Variants in CENPK observed in about 807,000 individuals in gnomAD.
CENPK encodes the protein SoxLZ/Sox6-binding protein Solt.
In CENPK, 46 loss-of-function variants were observed where a neutral mutation model predicts 40.9. That is an observed-to-expected ratio of 1.13 (90% CI 0.89 to 1.44). The LOEUF (loss-of-function observed/expected upper bound fraction) is 1.44. CENPK is among the 40% of genes most tolerant of loss of function. The pLI is 0.00. For synonymous variants in CENPK, 107 were observed against 104.4 expected (o/e 1.02, Z -0.15); for missense variants, 288 against 303.5 (o/e 0.95, Z 0.38).
At chr5:65,499,494 A>G in the CENPK span, among the ~76,000 whole-genome samples, 1 of 150,490 alleles carries the variant, frequency 6.6e-6, no homozygotes, top group Non-Finnish European at 1.5e-5. Context: ...CTTGGTGTAG[A>G]CTTCTTTAGG....
At chr5:65,501,739 G>C in the CENPK span, among the ~76,000 whole-genome samples, 1 of 152,132 alleles carries the variant, frequency 6.6e-6, no homozygotes, top group Admixed American at 6.6e-5. Flanking sequence ...GGAAACAGAA[G>C]TGCTTTGTGA....
At position 65,528,900 on chromosome 5, in the gene CENPK, T is replaced by C; in HGVS notation, c.470+19A>G. On this transcript the variant is annotated intron_variant, in intron 8 of 10. Transcript: ENST00000396679. ...AAATACTTTTCCTATTTTAAAAACC[T>C]AGAACATAAAATTAATACCTTGATT... 7.3e-7 allele frequency: 1 copy of C among 1,374,624 alleles called. No individual in the cohort carries two copies. Among genetic ancestry groups the C allele is most frequent in the Non-Finnish European group, 1.0e-6 (1 of 981,036 alleles). The allele number at this position is 1,374,624 out of a possible 1,614,324, so 85.2% of individuals were successfully genotyped here.
chr5:65,506,468 G>C, the CENPK span, among the ~76,000 whole-genome samples: 1 of 151,844 alleles, frequency 6.6e-6, no homozygotes, highest in Non-Finnish European at 1.5e-5. Context: ...GGACAACATG[G>C]TGAAACCCGG....
At chr5:65,511,814 C>T in the CENPK span, among the ~76,000 whole-genome samples, 3 of 152,144 alleles carry the variant, frequency 2.0e-5, no homozygotes, top group African/African-American at 7.2e-5. Context: ...TCCCCCCAGC[C>T]CCACTCTGGG....
chr5:65,556,180 G>T (rs1750945875), intron 2 of CENPK, among the ~76,000 whole-genome samples: 1 of 152,094 alleles, frequency 6.6e-6, no homozygotes, highest in African/African-American at 2.4e-5. Context: ...TAGAAAAAAA[G>T]ACATAAAATA....
At chr5:65,554,651 T>A (rs17828842) in intron 3 of CENPK, 146 bp downstream of exon 3, 41,260 of 586,474 alleles carry the variant, frequency 0.07, 1,608 homozygotes, top group East Asian at 0.09. Flanking sequence ...CTTGAATGAA[T>A]GCTGATAGGT....
At chr5:65,514,323 G>A (rs375176911), downstream of CENPK, among the ~76,000 whole-genome samples, 36 of 134,088 alleles carry the variant, frequency 2.7e-4, no homozygotes, top group African/African-American at 9.2e-4. Flanking sequence ...GAGTGCAGTG[G>A]TGCAGTCTCA....
chr5:65,516,601 C>A (rs1742872861), downstream of CENPK, among the ~76,000 whole-genome samples: 1 of 151,884 alleles, frequency 6.6e-6, no homozygotes, highest in Admixed American at 6.6e-5. Flanking sequence ...GCAGAGAGGA[C>A]CTGGATAGGA....
chr5:65,511,700 CA>C, the CENPK span, among the ~76,000 whole-genome samples: 1 of 152,172 alleles, frequency 6.6e-6, no homozygotes, highest in African/African-American at 2.4e-5. Context: ...TACAGGAGCA[CA>C]AACCCTTTTG....
intron 6 of CENPK, chr5:65,541,516 G>A (rs1747980875): frequency 2.2e-6 from 1 of 447,678 alleles, no homozygotes; most frequent in Non-Finnish European, 4.5e-6. Context: ...GAGTGGTGAC[G>A]GAGACTAGGA....
the CENPK span, among the ~76,000 whole-genome samples, chr5:65,510,583 T>C: frequency 6.6e-6 from 1 of 152,136 alleles, no homozygotes; most frequent in Admixed American, 6.5e-5. Context: ...AAGACCAGCC[T>C]GGCTAACATG....
intron 10 of CENPK, 56 bp from the exon 11 acceptor site, chr5:65,518,689 A>T: frequency 8.5e-7 from 1 of 1,170,682 alleles, no homozygotes; most frequent in Non-Finnish European, 1.2e-6. Context: ...CAATATAGCT[A>T]TAAGAAAGTT....
At chr5:65,556,102 A>G (rs1750934110) in intron 2 of CENPK, among the ~76,000 whole-genome samples, 2 of 152,202 alleles carry the variant, frequency 1.3e-5, no homozygotes, top group Admixed American at 6.5e-5. Flanking sequence ...GGCCTAGGCT[A>G]ATGTGTTTGT....
the CENPK span, among the ~76,000 whole-genome samples, chr5:65,500,435 C>T: frequency 3.6e-5 from 5 of 139,762 alleles, no homozygotes; most frequent in East Asian, 4.2e-4. Flanking sequence ...ATGAGCATTT[C>T]TTCATGTGTT....
At chr5:65,526,180 T>A (rs1744675016) in intron 9 of CENPK, among the ~76,000 whole-genome samples, 1 of 152,062 alleles carries the variant, frequency 6.6e-6, no homozygotes, top group African/African-American at 2.4e-5. Context: ...CTGGTTCTAT[T>A]AGTGGAGCAA....
the CENPK span, among the ~76,000 whole-genome samples, chr5:65,510,869 TAAG>T: frequency 3.9e-5 from 6 of 152,130 alleles, no homozygotes; most frequent in African/African-American, 1.2e-4. Context: ...GGTGGCTTTA[TAAG>T]AAGAGGAAGA....
chr5:65,543,542 A>G (rs1480764762), intron 5 of CENPK, among the ~76,000 whole-genome samples: 2 of 152,174 alleles, frequency 1.3e-5, no homozygotes, highest in African/African-American at 2.4e-5. Context: ...TATTCATCTT[A>G]CTTTCACTCA....
At chr5:65,548,909 ATGT>A (rs373905321) in intron 5 of CENPK, among the ~76,000 whole-genome samples, 97 of 152,240 alleles carry the variant, frequency 6.4e-4, no homozygotes, top group African/African-American at 2.3e-3. Context: ...ACTCCTGTTA[ATGT>A]TGTTATTTTG....
chr5:65,511,167 T>C, the CENPK span, among the ~76,000 whole-genome samples: 1 of 152,034 alleles, frequency 6.6e-6, no homozygotes, highest in Non-Finnish European at 1.5e-5. Context: ...TTGAGAGAGG[T>C]GAGGAAGCTG....
Sources: gnomAD v4.1 joint callset for allele counts (sites outside exome capture counted in the v4.1 genomes callset) on GRCh38, gnomAD v4.1.1 for gene constraint, MANE v1.5 for transcripts, NCBI Gene and HGNC (gene_info 2026-07-23, HGNC 2026-07-21) for gene names.